MAF: variants seen among roughly 807,000 people sequenced by gnomAD.
MAF encodes MAF bZIP transcription factor.
A neutral mutation model predicts 22.0 loss-of-function variants in MAF; 10 were observed. The observed-to-expected ratio is 0.45, with a 90% CI of 0.28 to 0.77. The LOEUF is 0.77. Among genes scored for constraint, MAF ranks in the 30% least tolerant of loss-of-function variants. The pLI is 0.12. For missense variants in MAF, 544 were observed against 548.4 expected, an observed-to-expected ratio of 0.99 and a Z score of 0.08; for synonymous variants, 337 against 255.8, an observed-to-expected ratio of 1.32 and a Z score of -3.03.
chr16:79,371,196 T>C, the MAF span, among the ~76,000 whole-genome samples: 1 of 152,232 alleles, frequency 6.6e-6, no homozygotes, highest in East Asian at 1.9e-4. Flanking sequence ...TTGTTGACTG[T>C]TGCCTCTTCA....
the MAF span, among the ~76,000 whole-genome samples, chr16:79,340,903 A>G: frequency 6.6e-6 from 1 of 152,200 alleles, no homozygotes; most frequent in East Asian, 1.9e-4. Context: ...TGGGTATGAT[A>G]CACATTAAAA....
At position 79,599,113 on chromosome 16, in the gene MAF, C is replaced by G. The variant is rs2143802558; in HGVS notation, c.790G>C (p.Glu264Gln). ...CGCACAGACATGGTCACCAGCTGCT[C>G]GTCGGAGAAGCGGTCGTCGAAGTGC... ...GLHFDDRFSD[E>Q]QLVTMSVREL... is the part of the protein sequence containing the mutation. The change falls in exon 1 of 2, where the codon GAG becomes CAG. Residue 264 changes from glutamate (E) to glutamine (Q), a missense_variant. Glu to Gln is a conservative substitution (Grantham distance 29). Transcript: ENST00000326043. The G allele has an allele frequency of 3.7e-6, 6 of 1,600,502 alleles. No individual in the cohort carries two copies. The highest frequency in any genetic ancestry group is 1.1e-5 in the South Asian group (1 of 90,362).
At chr16:79,413,587 C>T in the MAF span, among the ~76,000 whole-genome samples, 1 of 152,052 alleles carries the variant, frequency 6.6e-6, no homozygotes, top group African/African-American at 2.4e-5. Flanking sequence ...ATCTTTCTCT[C>T]TTTAACCAGG....
At chr16:79,557,931 C>G in the MAF span, among the ~76,000 whole-genome samples, 5 of 150,968 alleles carry the variant, frequency 3.3e-5, no homozygotes, top group Non-Finnish European at 3.0e-5. Flanking sequence ...AGGGAAGTGA[C>G]ATTTAAGCCA....
downstream of MAF, among the ~76,000 whole-genome samples, chr16:79,583,727 C>T (rs1443734018): frequency 1.3e-5 from 2 of 152,216 alleles, no homozygotes; most frequent in African/African-American, 4.8e-5. Context: ...AGATAGAAGA[C>T]AGCCTCAAAG....
At chr16:79,433,979 C>A in the MAF span, among the ~76,000 whole-genome samples, 1 of 152,154 alleles carries the variant, frequency 6.6e-6, no homozygotes, top group Non-Finnish European at 1.5e-5. Context: ...CAGGCCCCAC[C>A]ACATGTGGAG....
the MAF span, among the ~76,000 whole-genome samples, chr16:79,502,467 A>C: frequency 6.6e-6 from 1 of 151,804 alleles, no homozygotes; most frequent in Non-Finnish European, 1.5e-5. Flanking sequence ...CAAATTCGAG[A>C]CCACTCTGGG....
the MAF span, among the ~76,000 whole-genome samples, chr16:79,451,949 G>C: frequency 6.6e-6 from 1 of 152,168 alleles, no homozygotes; most frequent in Non-Finnish European, 1.5e-5. Context: ...TTAGTGCTTT[G>C]CATGCATTAC....
chr16:79,224,958 G>C, the MAF span, among the ~76,000 whole-genome samples: 6 of 152,130 alleles, frequency 3.9e-5, no homozygotes, highest in Admixed American at 2.0e-4. Flanking sequence ...TATAGATTCA[G>C]TGCTATCCCC....
chr16:79,475,345 T>C, the MAF span, among the ~76,000 whole-genome samples: 1 of 146,138 alleles, frequency 6.8e-6, no homozygotes, highest in Non-Finnish European at 1.5e-5. Flanking sequence ...GATATATATA[T>C]ATATGTATGT....
the MAF span, among the ~76,000 whole-genome samples, chr16:79,324,228 C>T: frequency 7.2e-5 from 11 of 152,312 alleles, no homozygotes; most frequent in African/African-American, 2.2e-4. Flanking sequence ...TGCATTTCGT[C>T]ATTCTGCCTT....
At chr16:79,375,970 G>A in the MAF span, among the ~76,000 whole-genome samples, 1 of 152,106 alleles carries the variant, frequency 6.6e-6, no homozygotes, top group Non-Finnish European at 1.5e-5. Context: ...GGTTAACAAT[G>A]AATCCTTCAC....
At chr16:79,380,513 AT>A in the MAF span, among the ~76,000 whole-genome samples, 3 of 152,152 alleles carry the variant, frequency 2.0e-5, no homozygotes, top group East Asian at 5.8e-4. Flanking sequence ...GGATTAAGTA[AT>A]TTTCCCACAG....
At chr16:79,344,450 C>T in the MAF span, among the ~76,000 whole-genome samples, 27 of 152,268 alleles carry the variant, frequency 1.8e-4, no homozygotes, top group Admixed American at 1.2e-3. Flanking sequence ...TGGAAGAGGG[C>T]GCTCTTAATA....
At chr16:79,319,277 A>G in the MAF span, among the ~76,000 whole-genome samples, 2 of 152,248 alleles carry the variant, frequency 1.3e-5, no homozygotes, top group African/African-American at 4.8e-5. Context: ...GCTAATTAAG[A>G]TGAACTTTAA....
chr16:79,566,841 C>A, the MAF span, among the ~76,000 whole-genome samples: 2 of 152,200 alleles, frequency 1.3e-5, no homozygotes, highest in African/African-American at 4.8e-5. Context: ...GGTTTGATTT[C>A]CAAATCCTCT....
chr16:79,371,613 C>A, the MAF span, among the ~76,000 whole-genome samples: 2 of 152,218 alleles, frequency 1.3e-5, no homozygotes, highest in East Asian at 3.8e-4. Flanking sequence ...AGAGGCTTCA[C>A]ATATGCTGTT....
the MAF span, among the ~76,000 whole-genome samples, chr16:79,561,977 C>G: frequency 6.6e-6 from 1 of 152,136 alleles, no homozygotes; most frequent in Non-Finnish European, 1.5e-5. Context: ...CAACATGAGC[C>G]GTTTGTCCCC....
the MAF span, among the ~76,000 whole-genome samples, chr16:79,504,255 A>T: frequency 6.6e-6 from 1 of 152,228 alleles, no homozygotes; most frequent in Non-Finnish European, 1.5e-5. Context: ...AATAGGAGTC[A>T]TCCAGTTTCC....
Sources: allele counts gnomAD v4.1 joint callset (sites outside exome capture counted in the v4.1 genomes callset), GRCh38; gene constraint gnomAD v4.1.1; transcripts MANE v1.5; gene names NCBI Gene and HGNC (gene_info 2026-07-23, HGNC 2026-07-21).